PDE4D: variants seen among roughly 807,000 people sequenced by gnomAD.
PDE4D encodes 3',5'-cyclic-AMP phosphodiesterase 4D.
PDE4D carries 24 observed loss-of-function variants against 87.4 expected under a neutral mutation model. The ratio of observed to expected loss-of-function variants is 0.27; its 90% confidence interval spans 0.20 to 0.39. The LOEUF is 0.39. Ranked by LOEUF, PDE4D falls within the 10% of genes least tolerant of loss-of-function variation. PDE4D has a pLI of 1.00. For missense variants in PDE4D, 714 were observed against 1,041.0 expected (o/e 0.69, Z 4.32); for synonymous variants, 384 against 383.2 (o/e 1.00, Z -0.02).
intron 1 of PDE4D, among the ~76,000 whole-genome samples, chr5:59,726,429 G>T (rs1324837400): frequency 1.3e-5 from 2 of 151,992 alleles, no homozygotes; most frequent in African/African-American, 4.8e-5. Flanking sequence ...TCATGAGGGT[G>T]GGGCCTGCAA....
intron 1 of PDE4D, among the ~76,000 whole-genome samples, chr5:59,614,469 T>C (rs1385033290): frequency 1.3e-5 from 2 of 152,188 alleles, no homozygotes; most frequent in African/African-American, 4.8e-5. Flanking sequence ...CTATATGAGA[T>C]ATGTGCAGCA....
intron 1 of PDE4D, among the ~76,000 whole-genome samples, chr5:59,235,590 T>C (rs1756239846): frequency 6.6e-6 from 1 of 152,206 alleles, no homozygotes. Context: ...AACAATTGGA[T>C]TACTTTTAAT....
chr5:60,314,905 G>C (rs1435378507), intron 1 of PDE4D, among the ~76,000 whole-genome samples: 2 of 152,134 alleles, frequency 1.3e-5, no homozygotes, highest in African/African-American at 4.8e-5. Context: ...ATTTGGCTTG[G>C]TTCCAAGTCT....
intron 1 of PDE4D, among the ~76,000 whole-genome samples, chr5:59,353,702 C>T (rs1780894706): frequency 6.6e-6 from 1 of 152,032 alleles, no homozygotes; most frequent in South Asian, 2.1e-4. Context: ...CTCACTCCTC[C>T]TTCCACGGCC....
chr5:59,083,616 T>A (rs560239373), intron 5 of PDE4D, among the ~76,000 whole-genome samples: 1 of 152,068 alleles, frequency 6.6e-6, no homozygotes, highest in Non-Finnish European at 1.5e-5. Context: ...CTGCTATTTA[T>A]GGAAATCAGA....
chr5:59,619,188 T>A (rs1418741719), intron 1 of PDE4D, among the ~76,000 whole-genome samples: 2 of 151,920 alleles, frequency 1.3e-5, no homozygotes, highest in East Asian at 3.9e-4. Context: ...TTTAATAAAA[T>A]CTGATGTCAC....
At chr5:60,242,852 T>C (rs114476830) in intron 1 of PDE4D, among the ~76,000 whole-genome samples, 146 of 152,118 alleles carry the variant, frequency 9.6e-4, no homozygotes, top group African/African-American at 3.4e-3. Context: ...GGGAAACTTA[T>C]AGTTTTAAGT....
intron 1 of PDE4D, among the ~76,000 whole-genome samples, chr5:60,357,573 A>G (rs1420781850): frequency 1.3e-5 from 2 of 152,200 alleles, no homozygotes; most frequent in African/African-American, 4.8e-5. Context: ...TGCATTTCAA[A>G]GACTAAACTT....
intron 1 of PDE4D, among the ~76,000 whole-genome samples, chr5:59,836,009 C>A (rs1415385634): frequency 1.3e-5 from 2 of 151,950 alleles, no homozygotes; most frequent in African/African-American, 2.4e-5. Flanking sequence ...GTTTCAGATA[C>A]CTCATCTATA....
intron 1 of PDE4D, among the ~76,000 whole-genome samples, chr5:59,841,023 C>T (rs1016052692): frequency 2.6e-5 from 4 of 152,034 alleles, no homozygotes; most frequent in African/African-American, 9.7e-5. Flanking sequence ...AATCCCACAC[C>T]TATTCCCCAA....
At chr5:59,342,568 A>G (rs765498493) in intron 1 of PDE4D, among the ~76,000 whole-genome samples, 1 of 152,168 alleles carries the variant, frequency 6.6e-6, no homozygotes, top group Admixed American at 6.5e-5. Context: ...AAGTACATAA[A>G]TTTTGGGGAG....
chr5:59,911,098 T>C (rs1222402517), intron 3 of PDE4D, among the ~76,000 whole-genome samples: 1 of 152,194 alleles, frequency 6.6e-6, no homozygotes, highest in Non-Finnish European at 1.5e-5. Context: ...GAAACAAAGA[T>C]GATAATAGCC....
intron 1 of PDE4D, among the ~76,000 whole-genome samples, chr5:60,238,574 T>G (rs992320893): frequency 6.6e-6 from 1 of 152,014 alleles, no homozygotes; most frequent in African/African-American, 2.4e-5. Context: ...GAAATAAAAT[T>G]TTCCTTTTTT....
chr5:59,020,109 G>C (rs1285312537), intron 6 of PDE4D, among the ~76,000 whole-genome samples: 1 of 152,122 alleles, frequency 6.6e-6, no homozygotes, highest in Non-Finnish European at 1.5e-5. Flanking sequence ...ATTAGTACCA[G>C]ATCTAGAGAA....
rs1312022817 is a variant in PDE4D, at chr5:60,325,884, TTTCAACAATG to T, written c.-89-140207_-89-140198del. Among the ~76,000 whole-genome samples, 7 of 152,278 alleles carry T rather than the reference TTTCAACAATG, an allele frequency of 4.6e-5. No individual in the cohort carries two copies. In the East Asian group the frequency reaches 1.3e-3, roughly 29 times the overall value. ...TGTTTTCCATTTCATAATTTTGTCA[TTTCAACAATG>T]TTATATAATTTGAATCATATAGTAT... On this transcript the variant is annotated intron_variant, in intron 1 of 16. Transcript: ENST00000502484.
intron 2 of PDE4D, among the ~76,000 whole-genome samples, chr5:59,200,277 AG>A (rs1403444105): frequency 0.017 from 2,301 of 132,462 alleles, 192 homozygotes; most frequent in African/African-American, 0.061. Context: ...GTGTATGTAC[AG>A]CTACAAGTAT....
At chr5:59,445,421 C>T (rs1047885657) in intron 1 of PDE4D, among the ~76,000 whole-genome samples, 1 of 152,112 alleles carries the variant, frequency 6.6e-6, no homozygotes, top group Non-Finnish European at 1.5e-5. Flanking sequence ...ATTCTGTTCC[C>T]AACATTTATA....
chr5:59,427,336 CACG>C (rs1795432763), intron 1 of PDE4D, among the ~76,000 whole-genome samples: 2 of 140,278 alleles, frequency 1.4e-5, no homozygotes, highest in African/African-American at 6.5e-5. Context: ...CACACACACA[CACG>C]CCCCTATGCC....
At chr5:60,338,328 A>T (rs1249064393) in intron 1 of PDE4D, among the ~76,000 whole-genome samples, 1 of 152,242 alleles carries the variant, frequency 6.6e-6, no homozygotes, top group Non-Finnish European at 1.5e-5. Context: ...GGCGCGCAAG[A>T]TGCCAAGGAG....
Sources: allele counts gnomAD v4.1 joint callset (sites outside exome capture counted in the v4.1 genomes callset), GRCh38; gene constraint gnomAD v4.1.1; transcripts MANE v1.5; gene names NCBI Gene and HGNC (gene_info 2026-07-23, HGNC 2026-07-21).